COL17A1: variants seen among roughly 807,000 people sequenced by gnomAD.
COL17A1 encodes the protein collagen alpha-1(XVII) chain.
A neutral mutation model predicts 218.4 loss-of-function variants in COL17A1; 181 were observed. The observed-to-expected ratio is 0.83, with a 90% CI of 0.73 to 0.94. The LOEUF (loss-of-function observed/expected upper bound fraction) is 0.94, where lower values mean the gene tolerates loss of function less well. COL17A1 is among the 40% of genes least tolerant of loss of function. The probability of loss-of-function intolerance (pLI) is 0.00; values close to 1 mark genes in which losing one functional copy is unlikely to be tolerated. For synonymous variants in COL17A1, 721 were observed against 731.0 expected (o/e 0.99, Z 0.22); for missense variants, 1,924 against 1,945.9 (o/e 0.99, Z 0.21).
chr10:104,032,788 C>A, intron 54 of COL17A1, 34 bp from the exon 55 acceptor site: 1 of 1,612,680 alleles, frequency 6.2e-7, no homozygotes, highest in Non-Finnish European at 8.5e-7. Flanking sequence ...CTAAGTAATA[C>A]ATGAGTCTGG....
At chr10:104,065,402 G>T (rs1041269284) in intron 9 of COL17A1, among the ~76,000 whole-genome samples, 8 of 152,128 alleles carry the variant, frequency 5.3e-5, no homozygotes, top group African/African-American at 1.7e-4. Context: ...GCCTTCCACA[G>T]AACCTATCTT....
chr10:104,033,240 T>A lies in COL17A1; in HGVS notation c.4292A>T (p.Gln1431Leu). The change falls in exon 53 of 56, where the codon CAA becomes CTA. Residue 1431 changes from glutamine (Q) to leucine (L), a missense_variant and splice_region_variant. By Grantham distance (113) the Gln-to-Leu change is moderately radical. Coordinates refer to ENST00000648076, the MANE Select transcript of COL17A1 (RefSeq NM_000494.4). ...NVTADLMDFF[Q>L]TYGAIQGPPG... ...GGAAAGCAGTTGGATGCCCTTACTT[T>A]GGAAGAAGTCCATGAGGTCCGCAGT... is the stretch of plus-strand genomic sequence containing the variant. 1 of 1,584,224 alleles carries A rather than the reference T, an allele frequency of 6.3e-7. No individual in the cohort carries two copies. Among genetic ancestry groups the A allele is most frequent in the Non-Finnish European group, 8.6e-7 (1 of 1,165,062 alleles).
At chr10:104,036,712 C>T in intron 47 of COL17A1, 80 bp from the exon 48 acceptor site, 1 of 1,550,772 alleles carries the variant, frequency 6.4e-7, no homozygotes, top group South Asian at 1.1e-5. Context: ...GCCTGGGCTC[C>T]CCTGCACAAA....
At chr10:104,084,022 G>A (rs1338488557) in intron 1 of COL17A1, among the ~76,000 whole-genome samples, 1 of 152,196 alleles carries the variant, frequency 6.6e-6, no homozygotes, top group Non-Finnish European at 1.5e-5. Flanking sequence ...TGCCAGGAAA[G>A]CCAATGCCCT....
rs114694818 is a variant in COL17A1 at position 104,062,153 on chromosome 10, G to C, written c.910+105C>G. 1,011 of 1,548,982 alleles carry C rather than the reference G, an allele frequency of 6.5e-4. 1 individual carries two copies. Among genetic ancestry groups the C allele is most frequent in the African/African-American group, 4.9e-3 (358 of 73,692 alleles). Reference sequence around the variant, plus strand: ...TGAGTGTTGTGTCTTTGGTGGGAAAGGTCGACTGATTTTCAGGGACATTTT... The same window carrying C: ...TGAGTGTTGTGTCTTTGGTGGGAAACGTCGACTGATTTTCAGGGACATTTT... On this transcript the variant is annotated intron_variant, in intron 12 of 55. Coordinates refer to ENST00000648076, the MANE Select transcript of COL17A1 (RefSeq NM_000494.4).
chr10:104,056,652 C>T (rs1564679751), intron 17 of COL17A1, among the ~76,000 whole-genome samples: 1 of 152,048 alleles, frequency 6.6e-6, no homozygotes, highest in Non-Finnish European at 1.5e-5. Flanking sequence ...CAGCAAAAGT[C>T]AAAAAGGCTA....
intron 31 of COL17A1, among the ~76,000 whole-genome samples, chr10:104,047,039 T>C (rs571097541): frequency 6.6e-6 from 1 of 152,276 alleles, no homozygotes; most frequent in South Asian, 2.1e-4. Flanking sequence ...TTTTGGAATC[T>C]GAGGAGAGCC....
chr10:104,037,909 T>C, intron 45 of COL17A1, 136 bp from the exon 46 acceptor site: 1 of 1,094,206 alleles, frequency 9.1e-7, no homozygotes, highest in South Asian at 1.4e-5. Flanking sequence ...GGAGGGAGCC[T>C]AGACTTCCCC....
intron 44 of COL17A1, 104 bp from the exon 45 acceptor site, chr10:104,038,632 G>A (rs1227157737): frequency 7.0e-7 from 1 of 1,433,454 alleles, no homozygotes; most frequent in Non-Finnish European, 9.7e-7. Context: ...GTCTTCTCAG[G>A]AGGAGAAATA....
intron 29 of COL17A1, among the ~76,000 whole-genome samples, chr10:104,048,510 G>A (rs976752027): frequency 1.2e-4 from 18 of 152,226 alleles, no homozygotes; most frequent in African/African-American, 4.1e-4. Flanking sequence ...TTCCCTGCTC[G>A]TGCTGTCATC....
chr10:104,053,190 C>T (rs1703596892), intron 22 of COL17A1, 55 bp from the exon 23 acceptor site: 2 of 1,593,968 alleles, frequency 1.3e-6, no homozygotes, highest in African/African-American at 2.7e-5. Context: ...CAGCTAACGG[C>T]TCCACAGGCA....
intron 2 of COL17A1, among the ~76,000 whole-genome samples, chr10:104,079,984 A>G (rs759036624): frequency 1.5e-4 from 23 of 152,138 alleles, no homozygotes; most frequent in Admixed American, 9.8e-4. Context: ...GATTTGAATA[A>G]TAGTCCTTCA....
chr10:104,078,501 T>C (rs779999873), intron 3 of COL17A1, 41 bp downstream of exon 3: 3 of 1,614,068 alleles, frequency 1.9e-6, no homozygotes, highest in Non-Finnish European at 2.5e-6. Context: ...GCCCTTCAAA[T>C]GTGACCTACT....
intron 39 of COL17A1, 147 bp from the exon 40 acceptor site, chr10:104,040,557 A>G (rs770648771): frequency 2.4e-6 from 1 of 419,364 alleles, no homozygotes; most frequent in East Asian, 6.0e-5. Context: ...TGGGTGGATG[A>G]ATGGGCGGGT....
chr10:104,053,153 C>T lies in COL17A1; in HGVS notation c.1835-18G>A, dbSNP rs765934150. 2.1e-5 allele frequency: 34 copies of T among 1,610,838 alleles called. No homozygotes were observed. The highest frequency in any genetic ancestry group is 1.6e-4 in the Middle Eastern group (1 of 6,084). On this transcript the variant is annotated intron_variant, in intron 22 of 55. Coordinates refer to ENST00000648076, the MANE Select transcript of COL17A1 (RefSeq NM_000494.4). ...AGGATCTCCTAAAGACAGGGATGGC[C>T]AGCCTCCAAGTCAGGATCCCGTACC... is the stretch of plus-strand genomic sequence containing the variant.
Position 104,043,817 on chromosome 10 carries a change from C to G in COL17A1, c.2434+8G>C. On this transcript the variant is annotated splice_region_variant and intron_variant, in intron 34 of 55. Coordinates refer to ENST00000648076, the MANE Select transcript of COL17A1 (RefSeq NM_000494.4). Reference sequence around the variant, plus strand: ...ACAGAAAGGAGGGTCCCTCTAGGACCTGCCTACCCGAAGTCACGATCTTGC... The same window carrying G: ...ACAGAAAGGAGGGTCCCTCTAGGACGTGCCTACCCGAAGTCACGATCTTGC... 6.2e-7 allele frequency: 1 copy of G among 1,614,142 alleles called. No individual in the cohort carries two copies. The highest frequency in any genetic ancestry group is 8.5e-7 in the Non-Finnish European group (1 of 1,180,008).
intron 41 of COL17A1, 65 bp downstream of exon 41, chr10:104,039,908 G>T (rs936371513): frequency 7.0e-5 from 112 of 1,596,384 alleles, no homozygotes; most frequent in Non-Finnish European, 9.4e-5. Flanking sequence ...CAAAGCTCTT[G>T]GGAGGTGAGC....
At position 104,041,515 on chromosome 10, in the gene COL17A1, G is replaced by A; in HGVS notation, c.2575C>T (p.Pro859Ser). 4 of 1,613,490 alleles carry A rather than the reference G, an allele frequency of 2.5e-6. No individual in the cohort carries two copies. Among genetic ancestry groups the A allele is most frequent in the Non-Finnish European group, 3.4e-6 (4 of 1,179,454 alleles). The part of the protein sequence containing the change: ...HQEVLNLQGP[P>S]GPPGPRGPPG... ...GGCCCGCGTGGGCCGGGTGGGCCTG[G>A]GGGACCTTGTAAATTAAGAACTTCT... is the stretch of plus-strand genomic sequence containing the variant. Residue 859 changes from proline to serine, a missense_variant, in exon 37 of 56, where the codon CCA becomes TCA. Pro to Ser is a moderately conservative substitution (Grantham distance 74). Coordinates refer to ENST00000648076, the MANE Select transcript of COL17A1 (RefSeq NM_000494.4).
intron 5 of COL17A1, among the ~76,000 whole-genome samples, chr10:104,075,608 A>G (rs540955292): frequency 1.6e-4 from 25 of 152,344 alleles, no homozygotes; most frequent in Admixed American, 9.8e-4. Context: ...TGGCTTCCAG[A>G]GTTCCAGTCC....
Sources: gnomAD v4.1 joint callset for allele counts (sites outside exome capture counted in the v4.1 genomes callset) on GRCh38, gnomAD v4.1.1 for gene constraint, MANE v1.5 for transcripts, NCBI Gene and HGNC (gene_info 2026-07-23, HGNC 2026-07-21) for gene names.